ITPRID1: variants seen among roughly 807,000 people sequenced by gnomAD.
The protein encoded by ITPRID1 is ITPR interacting domain containing 1, also known as protein ITPRID1.
In ITPRID1, 96 loss-of-function variants were observed where a neutral mutation model predicts 95.4. The ratio of observed to expected loss-of-function variants is 1.01; its 90% CI spans 0.85 to 1.19. The LOEUF (loss-of-function observed/expected upper bound fraction) is 1.19. Among genes scored for constraint, ITPRID1 ranks in the 50% most tolerant of loss-of-function variants. The pLI, the probability that ITPRID1 is intolerant of heterozygous loss-of-function variation, is 0.00. For missense variants in ITPRID1, 1,339 were observed against 1,252.9 expected, an observed-to-expected ratio of 1.07 and a Z score of -1.04; for synonymous variants, 510 against 453.6, an observed-to-expected ratio of 1.12 and a Z score of -1.58.
Position 31,565,640 on chromosome 7 carries a change from A to T in ITPRID1, c.257-4118A>T, listed in dbSNP as rs118060321. On this transcript the variant is annotated intron_variant, in intron 5 of 14. Transcript: ENST00000615280. ...GTAATCTCAGCTACTAGTGAGGCTGATGCAGGAGAATCACTTGAACCTGAG... is the reference window on the plus strand; with the variant it reads ...GTAATCTCAGCTACTAGTGAGGCTGTTGCAGGAGAATCACTTGAACCTGAG... Among the ~76,000 whole-genome samples the T allele has an allele frequency of 4.9e-3, 751 of 152,336 alleles. 4 individuals are homozygous for T. Among genetic ancestry groups the T allele is most frequent in the Middle Eastern group, 0.014 (4 of 294 alleles).
intron 1 of ITPRID1, chr7:31,529,874 G>A: frequency 7.2e-7 from 1 of 1,398,328 alleles, no homozygotes; most frequent in Non-Finnish European, 9.8e-7. Flanking sequence ...AGCCTGTTGG[G>A]GAGGGGTATT....
intron 10 of ITPRID1, among the ~76,000 whole-genome samples, chr7:31,599,888 C>T (rs1786316734): frequency 1.3e-5 from 2 of 151,844 alleles, no homozygotes; most frequent in South Asian, 2.1e-4. Flanking sequence ...TTAGTGGAGA[C>T]GGGGTTTCAC....
chr7:31,651,399 T>G, intron 13 of ITPRID1, 130 bp downstream of exon 13: 2 of 1,100,828 alleles, frequency 1.8e-6, no homozygotes, highest in South Asian at 4.2e-5. Context: ...TTCCTTTGCT[T>G]TCTTGGTCTT....
At chr7:31,611,547 T>C (rs1221729541) in intron 10 of ITPRID1, among the ~76,000 whole-genome samples, 3 of 151,938 alleles carry the variant, frequency 2.0e-5, no homozygotes, top group Non-Finnish European at 4.4e-5. Flanking sequence ...TTTTTGTTTA[T>C]CTGAGAATGT....
chr7:31,525,348 T>G (rs1783390763), intron 1 of ITPRID1, among the ~76,000 whole-genome samples: 1 of 152,220 alleles, frequency 6.6e-6, no homozygotes, highest in African/African-American at 2.4e-5. Context: ...AAAAAATTCT[T>G]TGTGGTAGGG....
At chr7:31,639,232 T>C (rs560934648) in intron 10 of ITPRID1, among the ~76,000 whole-genome samples, 3 of 152,350 alleles carry the variant, frequency 2.0e-5, no homozygotes, top group South Asian at 2.1e-4. Context: ...CTGAGGCTAC[T>C]TGGACTTGTC....
intron 5 of ITPRID1, among the ~76,000 whole-genome samples, chr7:31,566,193 C>T (rs962853804): frequency 2.0e-5 from 3 of 152,112 alleles, no homozygotes; most frequent in Non-Finnish European, 4.4e-5. Context: ...CTGGATGACT[C>T]GATTTTCTGC....
intron 1 of ITPRID1, among the ~76,000 whole-genome samples, chr7:31,549,143 G>A (rs1216912663): frequency 6.6e-6 from 1 of 152,078 alleles, no homozygotes; most frequent in Non-Finnish European, 1.5e-5. Context: ...CAGAAATGGT[G>A]GCCAAGGCTG....
At position 31,642,785 on chromosome 7, in the gene ITPRID1, C is replaced by T. The variant is rs1374746603; in HGVS notation, c.1415C>T (p.Ser472Leu). 16 of 1,613,842 alleles carry T rather than the reference C, an allele frequency of 9.9e-6. No individual in the cohort carries two copies. Among genetic ancestry groups the T allele is most frequent in the East Asian group, 6.7e-5 (3 of 44,876 alleles). ...TCATCCCAGGACTGTCAGCTAGAGT[C>T]GGATGGGCCAGATTCCAAAAGTAGG... is the stretch of plus-strand genomic sequence containing the variant. ...LVSSQDCQLE[S>L]DGPDSKSRAS... The change falls in exon 12 of 15, where the codon TCG becomes TTG. Residue 472 changes from serine to leucine, a missense_variant. Transcript: ENST00000615280.
chr7:31,621,290 C>G (rs1461016295), intron 10 of ITPRID1, among the ~76,000 whole-genome samples: 1 of 84,300 alleles, frequency 1.2e-5, no homozygotes, highest in Non-Finnish European at 2.4e-5. Flanking sequence ...AGAGCAACTC[C>G]AAGACACATA....
intron 5 of ITPRID1, among the ~76,000 whole-genome samples, chr7:31,567,714 T>C (rs1467980052): frequency 6.6e-6 from 1 of 152,200 alleles, no homozygotes; most frequent in African/African-American, 2.4e-5. Flanking sequence ...CCTGAGTAGC[T>C]GTCACCCTGC....
At chr7:31,634,717 G>A (rs903813838) in intron 10 of ITPRID1, among the ~76,000 whole-genome samples, 2 of 152,192 alleles carry the variant, frequency 1.3e-5, no homozygotes, top group Non-Finnish European at 2.9e-5. Flanking sequence ...GGGCTTGGTG[G>A]TGGTGAAGGA....
At chr7:31,622,339 T>C (rs1167942216) in intron 10 of ITPRID1, among the ~76,000 whole-genome samples, 1 of 152,036 alleles carries the variant, frequency 6.6e-6, no homozygotes, top group Admixed American at 6.6e-5. Context: ...TATTCAAAAA[T>C]TGACCAGATA....
intron 12 of ITPRID1, among the ~76,000 whole-genome samples, chr7:31,645,575 G>T (rs1279789771): frequency 1.3e-5 from 2 of 151,726 alleles, no homozygotes; most frequent in African/African-American, 4.9e-5. Flanking sequence ...TAACAGTAGG[G>T]TCGTCATCAC....
chr7:31,576,049 C>T (rs1465481395), intron 8 of ITPRID1, among the ~76,000 whole-genome samples: 1 of 152,106 alleles, frequency 6.6e-6, no homozygotes, highest in Non-Finnish European at 1.5e-5. Context: ...ATGTCATTTA[C>T]CAATATTTGA....
intron 10 of ITPRID1, among the ~76,000 whole-genome samples, chr7:31,589,682 G>GT (rs1785779005): frequency 1.3e-5 from 2 of 152,172 alleles, no homozygotes; most frequent in African/African-American, 4.8e-5. Context: ...CGAGAAGACA[G>GT]TAACTATGAG....
chr7:31,621,290 C>T (rs1461016295), intron 10 of ITPRID1, among the ~76,000 whole-genome samples: 1 of 84,300 alleles, frequency 1.2e-5, no homozygotes, highest in Non-Finnish European at 2.4e-5. Context: ...AGAGCAACTC[C>T]AAGACACATA....
At chr7:31,623,190 T>C (rs1788090573) in intron 10 of ITPRID1, among the ~76,000 whole-genome samples, 2 of 152,106 alleles carry the variant, frequency 1.3e-5, no homozygotes, top group African/African-American at 4.8e-5. Flanking sequence ...GAGGAACTGG[T>C]ACCATTCCTT....
Position 31,652,401 on chromosome 7 carries a change from A to G in ITPRID1, c.2824-117A>G, listed in dbSNP as rs1000797365. 1.3e-4 allele frequency: 180 copies of G among 1,429,948 alleles called. 1 individual carries two copies. In the Middle Eastern group the frequency reaches 1.8e-3, roughly 14 times the overall value. The allele number at this position is 1,429,948 out of a possible 1,614,324, so 88.6% of individuals were successfully genotyped here. A position where few individuals can be genotyped will look rare whatever the true frequency, so the allele number is the denominator to read the frequency against. On this transcript the variant is annotated intron_variant, in intron 14 of 14. Transcript: ENST00000615280. ...CACTATCAGAATCTGCTGCTGGCTC[A>G]AAGAGCCCATTCTAGAGAATCGACC...
Sources: gnomAD v4.1 joint callset for allele counts (sites outside exome capture counted in the v4.1 genomes callset) on GRCh38, gnomAD v4.1.1 for gene constraint, MANE v1.5 for transcripts, NCBI Gene and HGNC (gene_info 2026-07-23, HGNC 2026-07-21) for gene names.